Variants in PRKG1 observed in about 807,000 individuals in gnomAD.
PRKG1 encodes protein kinase cGMP-dependent 1.
In PRKG1, 35 loss-of-function variants were observed where a neutral mutation model predicts 88.1. The observed-to-expected ratio is 0.40, with a 90% CI of 0.30 to 0.53. The LOEUF (loss-of-function observed/expected upper bound fraction) is 0.53, where lower values mean the gene tolerates loss of function less well. PRKG1 is among the 20% of genes least tolerant of loss of function. The probability of loss-of-function intolerance (pLI) is 0.59; values close to 1 mark genes in which losing one functional copy is unlikely to be tolerated. For synonymous variants in PRKG1, 303 were observed against 292.5 expected (o/e 1.04, Z -0.37); for missense variants, 540 against 839.8 (o/e 0.64, Z 4.41).
chr10:51,827,169 G>T lies in PRKG1; in HGVS notation c.698+22479G>T, dbSNP rs543167759. 5.9e-5 allele frequency among the ~76,000 whole-genome samples: 9 copies of T among 152,228 alleles called. No homozygotes were observed. The East Asian group carries it at 1.5e-3, about 26-fold the overall frequency. ...TTGTTTATTATCTCAGTATTCGGATGATTGCCCTAAATATTCAATTTCTTG... is the reference window on the plus strand; with the variant it reads ...TTGTTTATTATCTCAGTATTCGGATTATTGCCCTAAATATTCAATTTCTTG... On this transcript the variant is annotated intron_variant, in intron 4 of 17. Coordinates refer to ENST00000373980, the MANE Select transcript of PRKG1 (RefSeq NM_006258.4).
chr10:51,945,086 G>T (rs996536532), intron 5 of PRKG1, among the ~76,000 whole-genome samples: 1 of 150,920 alleles, frequency 6.6e-6, no homozygotes, highest in East Asian at 2.0e-4. Flanking sequence ...TTGTGTGGGA[G>T]TCTAAGTCTC....
At chr10:51,381,871 T>C (rs187326592) in intron 2 of PRKG1, among the ~76,000 whole-genome samples, 1 of 152,334 alleles carries the variant, frequency 6.6e-6, no homozygotes, top group African/African-American at 2.4e-5. Context: ...ACATTGTTGA[T>C]TGCTGAGAGC....
chr10:51,137,029 C>T (rs969454957), intron 1 of PRKG1, among the ~76,000 whole-genome samples: 2 of 152,120 alleles, frequency 1.3e-5, no homozygotes, highest in African/African-American at 2.4e-5. Context: ...GGACTACAGG[C>T]GCCCGCCACC....
chr10:51,502,729 G>C, intron 3 of PRKG1, among the ~76,000 whole-genome samples: 1 of 152,178 alleles, frequency 6.6e-6, no homozygotes, highest in East Asian at 1.9e-4. Flanking sequence ...ATGTCTTTTT[G>C]AGTTATTACC....
intron 2 of PRKG1, among the ~76,000 whole-genome samples, chr10:51,158,870 T>C (rs1846285744): frequency 6.6e-6 from 1 of 152,086 alleles, no homozygotes; most frequent in Non-Finnish European, 1.5e-5. Context: ...AATGACTCTT[T>C]TAATGGAGCA....
At position 51,706,315 on chromosome 10, in the gene PRKG1, CCTGCG is replaced by C. The variant is rs1841602885; in HGVS notation, c.593-98266_593-98262del. On this transcript the variant is annotated intron_variant, in intron 3 of 17. Transcript: ENST00000373980. ...CAAACTCCTAACCTCAAATGCTCCA[CCTGCG>C]CTGGCCTTCCAAAGTGCTGGGAGTG... 3.3e-5 allele frequency among the ~76,000 whole-genome samples: 5 copies of C among 152,328 alleles called. No homozygotes were observed. The South Asian group carries it at 1.0e-3, about 32-fold the overall frequency.
chr10:51,155,956 T>C (rs1301196287), intron 2 of PRKG1, among the ~76,000 whole-genome samples: 1 of 152,006 alleles, frequency 6.6e-6, no homozygotes, highest in East Asian at 1.9e-4. Flanking sequence ...CAAGTTGACA[T>C]GTAAAATTAA....
intron 3 of PRKG1, among the ~76,000 whole-genome samples, chr10:51,712,467 T>A (rs532620656): frequency 1.3e-5 from 2 of 152,140 alleles, no homozygotes; most frequent in African/African-American, 4.8e-5. Context: ...ACAGTTATTG[T>A]CAAGTTTTGA....
chr10:51,927,432 GTC>G (rs538606360), intron 5 of PRKG1, among the ~76,000 whole-genome samples: 2 of 152,120 alleles, frequency 1.3e-5, no homozygotes, highest in African/African-American at 2.4e-5. Context: ...AAATTACCCA[GTC>G]TTGGGTATGT....
intron 1 of PRKG1, among the ~76,000 whole-genome samples, chr10:51,056,143 G>A (rs1231764911): frequency 6.6e-6 from 1 of 152,186 alleles, no homozygotes; most frequent in East Asian, 1.9e-4. Context: ...TGTGATGAAG[G>A]CACTCTTAAG....
intron 2 of PRKG1, among the ~76,000 whole-genome samples, chr10:51,397,771 C>A (rs1044453838): frequency 6.6e-6 from 1 of 152,226 alleles, no homozygotes; most frequent in South Asian, 2.1e-4. Context: ...ACCTAACCTG[C>A]TCCTGCCTTT....
Position 51,078,592 on chromosome 10 carries a change from A to T in PRKG1, c.311+3691A>T, listed in dbSNP as rs572774551. ...GTTGAGGATAAAAATATTTATTTATATTTATTTATTTATTTATTTATTTAT... is the reference window on the plus strand; with the variant it reads ...GTTGAGGATAAAAATATTTATTTATTTTTATTTATTTATTTATTTATTTAT... On this transcript the variant is annotated intron_variant, in intron 1 of 17. Transcript: ENST00000373980. Among the ~76,000 whole-genome samples the T allele has an allele frequency of 3.2e-3, 128 of 40,196 alleles. No individual in the cohort carries two copies. The East Asian group carries it at 0.1, about 32-fold the overall frequency. The allele number at this position is 40,196 out of a possible 152,430, so 26.4% of individuals were successfully genotyped here. A position where few individuals can be genotyped will look rare whatever the true frequency, so the allele number is the denominator to read the frequency against.
intron 5 of PRKG1, among the ~76,000 whole-genome samples, chr10:51,928,060 C>A (rs1842616128): frequency 6.6e-6 from 1 of 152,092 alleles, no homozygotes; most frequent in Non-Finnish European, 1.5e-5. Flanking sequence ...TGAGAAACTT[C>A]CTTACTGAAT....
chr10:51,037,816 C>T (rs1161753298), intron 1 of PRKG1, among the ~76,000 whole-genome samples: 3 of 151,878 alleles, frequency 2.0e-5, no homozygotes, highest in African/African-American at 7.3e-5. Context: ...TTTCAGGCCA[C>T]AAGTATTTCA....
intron 2 of PRKG1, among the ~76,000 whole-genome samples, chr10:51,447,045 A>T (rs1839293423): frequency 6.6e-6 from 1 of 152,022 alleles, no homozygotes; most frequent in Non-Finnish European, 1.5e-5. Context: ...CAGATTTTTT[A>T]AAAGTAATGT....
At chr10:52,166,839 G>GTATATATATATGTATATATATGTATATA (rs375678645) in intron 9 of PRKG1, among the ~76,000 whole-genome samples, 7 of 90,480 alleles carry the variant, frequency 7.7e-5, no homozygotes, top group Admixed American at 5.0e-4. Flanking sequence ...GTATATATAT[G>GTATATATATATGTATATATATGTATATA]TATATATATG....
intron 2 of PRKG1, among the ~76,000 whole-genome samples, chr10:51,308,574 C>A: frequency 6.6e-6 from 1 of 152,164 alleles, no homozygotes; most frequent in Non-Finnish European, 1.5e-5. Context: ...AATAGCAGGG[C>A]TATTACATTA....
At chr10:51,599,650 C>A (rs1354861061) in intron 3 of PRKG1, among the ~76,000 whole-genome samples, 1 of 152,072 alleles carries the variant, frequency 6.6e-6, no homozygotes, top group African/African-American at 2.4e-5. Context: ...AATACCAGTC[C>A]TGATTAAAAC....
intron 3 of PRKG1, among the ~76,000 whole-genome samples, chr10:51,551,033 A>G (rs897698002): frequency 6.6e-6 from 1 of 151,962 alleles, no homozygotes; most frequent in Non-Finnish European, 1.5e-5. Context: ...GTACCATGAT[A>G]TACAACTGTG....
Sources: allele counts gnomAD v4.1 joint callset (sites outside exome capture counted in the v4.1 genomes callset), GRCh38; gene constraint gnomAD v4.1.1; transcripts MANE v1.5; gene names NCBI Gene and HGNC (gene_info 2026-07-23, HGNC 2026-07-21).